The following PREP variants were observed in gnomAD, a reference collection of about 807,000 sequenced individuals.
PREP encodes dJ355L5.1 (prolyl endopeptidase).
PREP carries 29 observed loss-of-function variants against 87.6 expected under a neutral mutation model. The ratio of observed to expected loss-of-function variants is 0.33; its 90% confidence interval spans 0.25 to 0.45. PREP has a LOEUF of 0.45. PREP is among the 20% of genes least tolerant of loss of function. PREP has a pLI of 1.00. For missense variants in PREP, 695 were observed against 886.5 expected (o/e 0.78, Z 2.74); for synonymous variants, 337 against 328.6 (o/e 1.03, Z -0.28).
chr6:105,372,000 A>T (rs2114707314), intron 5 of PREP, among the ~76,000 whole-genome samples: 1 of 152,316 alleles, frequency 6.6e-6, no homozygotes, highest in South Asian at 2.1e-4. Context: ...GGGCACTCTT[A>T]ACACAAGCAG....
intron 5 of PREP, among the ~76,000 whole-genome samples, chr6:105,370,603 GC>G (rs879783569): frequency 1.3e-5 from 2 of 152,096 alleles, no homozygotes; most frequent in Non-Finnish European, 2.9e-5. Flanking sequence ...ATTCATAAGT[GC>G]TAAAACTTGG....
chr6:105,401,009 A>G (rs952404827), intron 1 of PREP, among the ~76,000 whole-genome samples: 16 of 152,224 alleles, frequency 1.1e-4, no homozygotes, highest in Non-Finnish European at 1.6e-4. Context: ...AAGGAGCCAC[A>G]CAACAAGATC....
chr6:105,299,592 C>CT (rs1475532388), intron 10 of PREP, among the ~76,000 whole-genome samples: 1 of 151,950 alleles, frequency 6.6e-6, no homozygotes, highest in Non-Finnish European at 1.5e-5. Flanking sequence ...GAGCCAGACT[C>CT]TGTCTTTAAA....
intron 7 of PREP, among the ~76,000 whole-genome samples, chr6:105,338,010 C>A (rs773831089): frequency 6.6e-6 from 1 of 152,012 alleles, no homozygotes; most frequent in Admixed American, 6.5e-5. Flanking sequence ...AAAAAAAAAT[C>A]CCCATTCCTT....
intron 7 of PREP, among the ~76,000 whole-genome samples, chr6:105,340,236 T>C (rs1333744225): frequency 6.6e-6 from 1 of 152,140 alleles, no homozygotes. Context: ...GGGGCCAATA[T>C]TCAACATTCT....
intron 2 of PREP, among the ~76,000 whole-genome samples, chr6:105,379,951 G>C (rs1464422568): frequency 6.6e-6 from 1 of 152,212 alleles, no homozygotes; most frequent in East Asian, 1.9e-4. Flanking sequence ...ATCAGTGTTG[G>C]CCTGAACTGT....
intron 2 of PREP, among the ~76,000 whole-genome samples, chr6:105,379,598 A>C (rs774952452): frequency 6.6e-6 from 1 of 152,194 alleles, no homozygotes; most frequent in Non-Finnish European, 1.5e-5. Flanking sequence ...GAGACTGAAA[A>C]AGGATGTGGA....
chr6:105,373,022 G>T (rs1041352483), intron 5 of PREP, among the ~76,000 whole-genome samples: 4 of 152,164 alleles, frequency 2.6e-5, no homozygotes, highest in Non-Finnish European at 4.4e-5. Context: ...GCAAGCCCAG[G>T]CTAGTCTGCT....
At chr6:105,401,838 T>C (rs755201261) in intron 1 of PREP, among the ~76,000 whole-genome samples, 1 of 152,230 alleles carries the variant, frequency 6.6e-6, no homozygotes, top group Non-Finnish European at 1.5e-5. Flanking sequence ...TGCTTTAAAG[T>C]AAACACTTTC....
At chr6:105,324,857 T>C (rs773384677) in intron 9 of PREP, among the ~76,000 whole-genome samples, 1 of 152,230 alleles carries the variant, frequency 6.6e-6, no homozygotes, top group Non-Finnish European at 1.5e-5. Context: ...CTAATCCTTA[T>C]GAATGTTGTC....
intron 4 of PREP, 51 bp downstream of exon 4, chr6:105,376,074 C>A: frequency 6.3e-7 from 1 of 1,574,918 alleles, no homozygotes; most frequent in South Asian, 1.2e-5. Context: ...AACTTCAGAG[C>A]TCCAAGTGAG....
At chr6:105,382,618 C>A (rs994770738) in intron 2 of PREP, among the ~76,000 whole-genome samples, 1 of 151,764 alleles carries the variant, frequency 6.6e-6, no homozygotes, top group Admixed American at 6.6e-5. Context: ...TTATACAAAA[C>A]ACTACAATGT....
In PREP at chr6:105,291,453, G is replaced by T. The variant is rs117731833; in HGVS notation, c.1318-2559C>A. On this transcript the variant is annotated intron_variant, in intron 10 of 14. Transcript: ENST00000652536. ...AAAGACATTAACATTTGAGTCAGTG[G>T]GCTGGGGAAGACAAATCCACCCTTC... 2.7e-3 allele frequency among the ~76,000 whole-genome samples: 417 copies of T among 152,216 alleles called. 12 individuals are homozygous for T. The East Asian group carries it at 0.07, about 25-fold the overall frequency.
intron 12 of PREP, among the ~76,000 whole-genome samples, chr6:105,284,445 CCA>C (rs1312877099): frequency 2.0e-5 from 3 of 152,112 alleles, no homozygotes; most frequent in African/African-American, 7.2e-5. Flanking sequence ...CAAAAAAAAT[CCA>C]GAGCCTCAGG....
intron 6 of PREP, among the ~76,000 whole-genome samples, chr6:105,354,951 T>C (rs1772054231): frequency 6.6e-6 from 1 of 152,122 alleles, no homozygotes; most frequent in African/African-American, 2.4e-5. Context: ...GGTACATCAG[T>C]AAACAAATCA....
intron 7 of PREP, among the ~76,000 whole-genome samples, chr6:105,349,516 G>A (rs988900855): frequency 7.2e-5 from 11 of 152,066 alleles, no homozygotes; most frequent in African/African-American, 1.9e-4. Flanking sequence ...CAAAATGCAC[G>A]TGGGCAGGTT....
intron 10 of PREP, chr6:105,302,706 C>T (rs890027223): frequency 9.9e-6 from 5 of 506,288 alleles, no homozygotes; most frequent in Middle Eastern, 6.2e-4. Flanking sequence ...GCTTGGAGAC[C>T]GCGCCGCCTG....
intron 2 of PREP, among the ~76,000 whole-genome samples, chr6:105,391,469 AT>A (rs1773144923): frequency 6.6e-6 from 1 of 152,202 alleles, no homozygotes; most frequent in Non-Finnish European, 1.5e-5. Context: ...TAATCCTCCC[AT>A]CTTGGCCTCC....
chr6:105,307,463 C>T (rs530365246), intron 10 of PREP, among the ~76,000 whole-genome samples: 8 of 152,122 alleles, frequency 5.3e-5, no homozygotes, highest in Non-Finnish European at 8.8e-5. Flanking sequence ...TGCTTGATTG[C>T]ATCTCCATTT....
Sources: gnomAD v4.1 joint callset for allele counts (sites outside exome capture counted in the v4.1 genomes callset) on GRCh38, gnomAD v4.1.1 for gene constraint, MANE v1.5 for transcripts, NCBI Gene and HGNC (gene_info 2026-07-23, HGNC 2026-07-21) for gene names.